Variants in TEX44 observed in about 807,000 individuals in gnomAD.
TEX44 encodes testis-expressed protein 44.
For synonymous variants in TEX44, 196 were observed against 205.9 expected, an observed-to-expected ratio of 0.95 and a Z score of 0.41; for missense variants, 487 against 509.6, an observed-to-expected ratio of 0.96 and a Z score of 0.43.
At chr2:231,592,969 C>A in the TEX44 span, 6 of 1,613,068 alleles carry the variant, frequency 3.7e-6, no homozygotes, top group African/African-American at 1.3e-5. Flanking sequence ...TCCCAGGGTA[C>A]CCCCTGGGCA....
At position 231,593,101 on chromosome 2, in the gene TEX44, T is replaced by A. The variant is rs756952878; in HGVS notation, c.150T>A (p.Asp50Glu). The change falls in exon 1 of 1, where the codon GAT becomes GAA. Residue 50 changes from aspartate to glutamate, a missense_variant. Physicochemically the swap from Asp to Glu is conservative, Grantham distance 45 (BLOSUM62 2). Transcript: ENST00000313965. ...CATCCACTGACTGGCAGGATATAGA[T>A]CAGGCCTCCTTCAAGACGGCCACCC... ...SVASTDWQDI[D>E]QASFKTATPR... The A allele has an allele frequency of 3.7e-6, 6 of 1,614,026 alleles. No individual in the cohort carries two copies. Among genetic ancestry groups the A allele is most frequent in the Non-Finnish European group, 5.1e-6 (6 of 1,179,988 alleles).
chr2:231,594,106 A>G lies in TEX44; in HGVS notation c.1155A>G (p.Pro385=), dbSNP rs771080469. The change falls in exon 1 of 1, where the codon CCA becomes CCG. Residue 385 remains proline, a synonymous_variant. Coordinates refer to ENST00000313965, the MANE Select transcript of TEX44 (RefSeq NM_152614.3). ...GCTACCTGACCAGCCACCTCACCCC[A>G]CGCCAGGCCCAGGCTGACCCCAACT... The part of the protein sequence containing the change: ...AMRYLTSHLT[P]RQAQADPNYD 5.0e-6 allele frequency: 8 copies of G among 1,611,136 alleles called. No homozygotes were observed. The African/African-American group carries it at 1.1e-4, about 22-fold the overall frequency.
At position 231,592,941 on chromosome 2, in the gene TEX44, C is replaced by T; in HGVS notation, c.-11C>T. ...CCTAGGGGGAGGCCGGCTCCACCAG[C>T]AGCCCCATACATGGCACTCCCAGGG... is the stretch of plus-strand genomic sequence containing the variant. On this transcript the variant is annotated 5_prime_UTR_variant, in exon 1 of 1. Coordinates refer to ENST00000313965, the MANE Select transcript of TEX44 (RefSeq NM_152614.3). 6.2e-7 allele frequency: 1 copy of T among 1,601,792 alleles called. No individual in the cohort carries two copies. The highest frequency in any genetic ancestry group is 8.6e-7 in the Non-Finnish European group (1 of 1,169,240).
rs1035775063 is a variant in TEX44 at position 231,593,674 on chromosome 2, C to T, written c.723C>T (p.Gly241=). ...QTWFFPPPPA[G]SVSPSPGPHE... Reference sequence around the variant, plus strand: ...GGTTCTTCCCTCCACCTCCAGCAGGCAGTGTGTCCCCGTCGCCTGGCCCCC... The same window carrying T: ...GGTTCTTCCCTCCACCTCCAGCAGGTAGTGTGTCCCCGTCGCCTGGCCCCC... The change falls in exon 1 of 1, where the codon GGC becomes GGT. Residue 241 remains glycine, a synonymous_variant. Coordinates refer to ENST00000313965, the MANE Select transcript of TEX44 (RefSeq NM_152614.3). 4 of 1,612,848 alleles carry T rather than the reference C, an allele frequency of 2.5e-6. No individual in the cohort carries two copies. The highest frequency in any genetic ancestry group is 1.3e-5 in the African/African-American group (1 of 74,938).
Position 231,594,068 on chromosome 2 carries a change from C to T in TEX44, c.1117C>T (p.Arg373Cys), listed in dbSNP as rs141442188. ...TVEQRTVEGI[R>C]SAMRYLTSHL... is the part of the protein sequence containing the mutation. ...GGAGCAGAGGACCGTGGAGGGCATC[C>T]GCTCAGCCATGCGCTACCTGACCAG... The change falls in exon 1 of 1, where the codon CGC becomes TGC. Residue 373 changes from arginine to cysteine, a missense_variant. By Grantham distance (180) the Arg-to-Cys change is radical (BLOSUM62 -3). Transcript: ENST00000313965. The T allele has an allele frequency of 2.0e-5, 32 of 1,611,830 alleles. No individual in the cohort carries two copies. The highest frequency in any genetic ancestry group is 1.5e-4 in the Admixed American group (9 of 59,976).
In TEX44 at chr2:231,593,210, C is replaced by A. The variant is rs140300867; in HGVS notation, c.259C>A (p.Pro87Thr). ...HGQKTPRKIT[P>T]LLPSQNPSPL... is the part of the protein sequence containing the mutation. Reference sequence around the variant, plus strand: ...CCAGAAGACACCCAGAAAAATCACACCTCTGCTTCCCAGCCAAAATCCAAG... The same window carrying A: ...CCAGAAGACACCCAGAAAAATCACAACTCTGCTTCCCAGCCAAAATCCAAG... Residue 87 changes from proline to threonine, a missense_variant, in exon 1 of 1, where the codon CCT becomes ACT. Coordinates refer to ENST00000313965, the MANE Select transcript of TEX44 (RefSeq NM_152614.3). 1 of 1,614,162 alleles carries A rather than the reference C, an allele frequency of 6.2e-7. No homozygotes were observed. The highest frequency in any genetic ancestry group is 2.2e-5 in the East Asian group (1 of 44,890).
chr2:231,592,978 C>T lies in TEX44; in HGVS notation c.27C>T (p.Gly9=). MALPGYPL[G]NVDDSRSKDS... ...TGGCACTCCCAGGGTACCCCCTGGGCAACGTGGATGACAGCAGGTCTAAGG... is the reference window on the plus strand; with the variant it reads ...TGGCACTCCCAGGGTACCCCCTGGGTAACGTGGATGACAGCAGGTCTAAGG... The change falls in exon 1 of 1, where the codon GGC becomes GGT. Residue 9 remains glycine, a synonymous_variant. Coordinates refer to ENST00000313965, the MANE Select transcript of TEX44 (RefSeq NM_152614.3). 6.2e-7 allele frequency: 1 copy of T among 1,613,990 alleles called. No individual in the cohort carries two copies. Among genetic ancestry groups the T allele is most frequent in the Non-Finnish European group, 8.5e-7 (1 of 1,179,978 alleles).
chr2:231,593,005 C>G lies in TEX44; in HGVS notation c.54C>G (p.Asp18Glu). 6.2e-7 allele frequency: 1 copy of G among 1,614,086 alleles called. No individual in the cohort carries two copies. Among genetic ancestry groups the G allele is most frequent in the Non-Finnish European group, 8.5e-7 (1 of 1,180,004 alleles). Residue 18 changes from aspartate (D) to glutamate (E), a missense_variant, in exon 1 of 1, where the codon GAC (aspartate) becomes GAG (glutamate). Coordinates refer to ENST00000313965, the MANE Select transcript of TEX44 (RefSeq NM_152614.3). ...LGNVDDSRSK[D>E]SPAGEPQGQV... is the part of the protein sequence containing the mutation. ...ACGTGGATGACAGCAGGTCTAAGGA[C>G]AGCCCAGCAGGAGAGCCCCAAGGTC...
In TEX44 at chr2:231,594,036, A is replaced by G; in HGVS notation, c.1085A>G (p.Glu362Gly). Residue 362 changes from glutamate to glycine, a missense_variant, in exon 1 of 1, where the codon GAG (glutamate) becomes GGG (glycine). Glu to Gly is a moderately conservative substitution (Grantham distance 98). Coordinates refer to ENST00000313965, the MANE Select transcript of TEX44 (RefSeq NM_152614.3). ...SALRTITRVL[E>G]TVEQRTVEGI... ...CTGCGCACCATCACCCGTGTGCTGG[A>G]GACAGTGGAGCAGAGGACCGTGGAG... The G allele has an allele frequency of 6.2e-7, 1 of 1,612,684 alleles. No individual in the cohort carries two copies. The highest frequency in any genetic ancestry group is 1.1e-5 in the South Asian group (1 of 91,080).
Position 231,593,394 on chromosome 2 carries a change from C to A in TEX44, c.443C>A (p.Ala148Asp). ...GTTCCTGAGAGAGAGCCGGAGTCAG[C>A]CCCCTCTGCCCCGAGTGCTGAGCTA... ...ASVPEREPESAPSAPSAELQS... is the reference protein window; with the variant it reads ...ASVPEREPESDPSAPSAELQS... Residue 148 changes from alanine (A) to aspartate (D), a missense_variant, in exon 1 of 1, where the codon GCC (alanine) becomes GAC (aspartate). Transcript: ENST00000313965. 1 of 1,614,228 alleles carries A rather than the reference C, an allele frequency of 6.2e-7. No homozygotes were observed. The highest frequency in any genetic ancestry group is 8.5e-7 in the Non-Finnish European group (1 of 1,180,042).
rs75570293 is a variant in TEX44 at position 231,594,107 on chromosome 2, C to T, written c.1156C>T (p.Arg386Cys). The T allele has an allele frequency of 7.2e-3, 11,623 of 1,611,616 alleles. 262 individuals carry two copies. In the East Asian group the frequency reaches 0.098, roughly 14 times the overall value. ...CTACCTGACCAGCCACCTCACCCCA[C>T]GCCAGGCCCAGGCTGACCCCAACTA... ...MRYLTSHLTP[R>C]QAQADPNYD The change falls in exon 1 of 1, where the codon CGC becomes TGC. Residue 386 changes from arginine (R) to cysteine (C), a missense_variant. Physicochemically the swap from Arg to Cys is radical, Grantham distance 180 (BLOSUM62 -3). Transcript: ENST00000313965.
the TEX44 span, chr2:231,593,553 AG>A: frequency 6.2e-7 from 1 of 1,613,936 alleles, no homozygotes; most frequent in South Asian, 1.1e-5. Context: ...GAGCATCCAA[AG>A]GCCCCACACC....
rs1254675950 is a variant in TEX44, at chr2:231,593,935, G to A, written c.984G>A (p.Leu328=). Reference sequence around the variant, plus strand: ...TGCTGCACAGCTCGGGGCCCAGCTTGCGCTCGGTCCCCAGCCTGGTGGGAA... The same window carrying A: ...TGCTGCACAGCTCGGGGCCCAGCTTACGCTCGGTCCCCAGCCTGGTGGGAA... ...ADLLHSSGPS[L]RSVPSLVGSV... Residue 328 remains leucine (L), a synonymous_variant, in exon 1 of 1, where the codon TTG becomes TTA. Transcript: ENST00000313965. The A allele has an allele frequency of 6.2e-7, 1 of 1,609,542 alleles. No homozygotes were observed.
rs763510113 is a variant in TEX44, at chr2:231,593,260, T to G, written c.309T>G (p.Leu103=). 1 of 1,614,116 alleles carries G rather than the reference T, an allele frequency of 6.2e-7. No homozygotes were observed. Among genetic ancestry groups the G allele is most frequent in the Non-Finnish European group, 8.5e-7 (1 of 1,180,032 alleles). The change falls in exon 1 of 1, where the codon CTT becomes CTG. Residue 103 remains leucine (L), a synonymous_variant. Transcript: ENST00000313965. ...GTCCCCTGCAAGTGTCTATGAGCCT[T>G]CAGAATCCAGCGTGGGACAGGCAGG... is the stretch of plus-strand genomic sequence containing the variant. The part of the protein sequence containing the change: ...NPSPLQVSMS[L]QNPAWDRQVQ...
In TEX44 at chr2:231,592,865, C is replaced by G. The variant is rs2047770325; in HGVS notation, c.-87C>G. ...ACTCAGCCCAGCTGGGTTGCAGCCA[C>G]TCCCTCCAACCGCCACAAGCAGCAA... On this transcript the variant is annotated 5_prime_UTR_variant, in exon 1 of 1. Transcript: ENST00000313965. 1 of 1,102,604 alleles carries G rather than the reference C, an allele frequency of 9.1e-7. No homozygotes were observed. Among genetic ancestry groups the G allele is most frequent in the African/African-American group, 1.6e-5 (1 of 64,320 alleles). The allele number at this position is 1,102,604 out of a possible 1,614,324, so 68.3% of individuals were successfully genotyped here.
rs10933378 is a variant in TEX44, at chr2:231,593,732, T to C, written c.781T>C (p.Ser261Pro). Reference sequence around the variant, plus strand: ...GGCCCTGGGGAGAAGGCCCCTGGACTCCAGCCTGTACACGGCCAGTGAGGA... The same window carrying C: ...GGCCCTGGGGAGAAGGCCCCTGGACCCCAGCCTGTACACGGCCAGTGAGGA... ...EVALGRRPLDSSLYTASEENS... is the reference protein window; with the variant it reads ...EVALGRRPLDPSLYTASEENS... The change falls in exon 1 of 1, where the codon TCC (serine) becomes CCC (proline). Residue 261 changes from serine (S) to proline (P), a missense_variant. Coordinates refer to ENST00000313965, the MANE Select transcript of TEX44 (RefSeq NM_152614.3). The C allele has an allele frequency of 0.92, 1,479,871 of 1,610,962 alleles. 680,273 individuals are homozygous for C. The highest frequency in any genetic ancestry group is 1 in the East Asian group (44,836 of 44,866).
At chr2:231,593,750 A>AT in the TEX44 span, 1,517 of 1,611,668 alleles carry the variant, frequency 9.4e-4, 16 homozygotes, top group East Asian at 0.032. Flanking sequence ...GTACACGGCC[A>AT]GTGAGGAGAA....
rs745743436 is a variant in TEX44 at position 231,593,003 on chromosome 2, G to T, written c.52G>T (p.Asp18Tyr). ...LGNVDDSRSK[D>Y]SPAGEPQGQV... ...CAACGTGGATGACAGCAGGTCTAAG[G>T]ACAGCCCAGCAGGAGAGCCCCAAGG... The change falls in exon 1 of 1, where the codon GAC becomes TAC. Residue 18 changes from aspartate to tyrosine, a missense_variant. Coordinates refer to ENST00000313965, the MANE Select transcript of TEX44 (RefSeq NM_152614.3). 2.5e-6 allele frequency: 4 copies of T among 1,614,030 alleles called. No individual in the cohort carries two copies. The South Asian group carries it at 4.4e-5, about 18-fold the overall frequency.
In TEX44 at chr2:231,592,884, G is replaced by A. The variant is rs2047770470; in HGVS notation, c.-68G>A. On this transcript the variant is annotated 5_prime_UTR_variant, in exon 1 of 1. Coordinates refer to ENST00000313965, the MANE Select transcript of TEX44 (RefSeq NM_152614.3). ...CAGCCACTCCCTCCAACCGCCACAA[G>A]CAGCAAAGGGCATAGATGACCACAG... 3 of 1,320,854 alleles carry A rather than the reference G, an allele frequency of 2.3e-6. No homozygotes were observed. The highest frequency in any genetic ancestry group is 3.6e-5 in the Admixed American group (2 of 54,988). The allele number at this position is 1,320,854 out of a possible 1,614,324, so 81.8% of individuals were successfully genotyped here.
Sources: gnomAD v4.1 joint callset for allele counts on GRCh38, gnomAD v4.1.1 for gene constraint, MANE v1.5 for transcripts, NCBI Gene and HGNC (gene_info 2026-07-23, HGNC 2026-07-21) for gene names.